UPF2: variants seen among roughly 807,000 people sequenced by gnomAD.
UPF2 encodes UPF2 regulator of nonsense mediated mRNA decay, also known as regulator of nonsense transcripts 2.
In UPF2, 17 loss-of-function variants were observed where a neutral mutation model predicts 141.4. That is an observed-to-expected ratio of 0.12 (90% CI 0.08 to 0.18). UPF2 has a LOEUF of 0.18. Ranked by LOEUF, UPF2 falls within the 10% of genes least tolerant of loss-of-function variation. UPF2 has a pLI of 1.00. For synonymous variants in UPF2, 540 were observed against 498.0 expected, an observed-to-expected ratio of 1.08 and a Z score of -1.12; for missense variants, 1,152 against 1,515.9, an observed-to-expected ratio of 0.76 and a Z score of 3.99.
At chr10:12,038,483 C>T (rs553041545) in intron 1 of UPF2, among the ~76,000 whole-genome samples, 29 of 150,774 alleles carry the variant, frequency 1.9e-4, no homozygotes, top group African/African-American at 7.1e-4. Context: ...AATCCCAGCA[C>T]TTTGGGAAGC....
At chr10:11,938,843 TTTTTTTTTTG>T (rs1253290717) in intron 18 of UPF2, among the ~76,000 whole-genome samples, 31 of 102,362 alleles carry the variant, frequency 3.0e-4, no homozygotes, top group African/African-American at 8.5e-4. Context: ...CTTAAGCAAG[TTTTTTTTTTG>T]TTTTTTTTTT....
chr10:11,984,205 G>A (rs1304106286), intron 8 of UPF2, among the ~76,000 whole-genome samples: 1 of 152,202 alleles, frequency 6.6e-6, no homozygotes, highest in Non-Finnish European at 1.5e-5. Context: ...ACAGGCGTGA[G>A]CCAGCGTGCC....
intron 8 of UPF2, among the ~76,000 whole-genome samples, chr10:11,986,824 A>G (rs1833699411): frequency 6.6e-6 from 1 of 152,208 alleles, no homozygotes; most frequent in South Asian, 2.1e-4. Context: ...TTTCACGGAA[A>G]CATTCTCTCA....
In UPF2 at chr10:11,976,909, T is replaced by C. The variant is rs530646371; in HGVS notation, c.1953+2148A>G. ...TTAAGAACAATCCTATTTTAAAAGA[T>C]GCAGTTATGAACCCCACCTGGTAGA... On this transcript the variant is annotated intron_variant, in intron 9 of 21. Transcript: ENST00000357604. Among the ~76,000 whole-genome samples, 4 of 152,334 alleles carry C rather than the reference T, an allele frequency of 2.6e-5. 1 individual carries two copies. The South Asian group carries it at 8.3e-4, about 32-fold the overall frequency.
At chr10:11,977,492 G>A (rs1255159553) in intron 9 of UPF2, among the ~76,000 whole-genome samples, 1 of 152,152 alleles carries the variant, frequency 6.6e-6, no homozygotes, top group African/African-American at 2.4e-5. Context: ...ATTTTCAAAT[G>A]AGAGAGTACA....
rs1833145401 is a variant in UPF2 at position 11,956,102 on chromosome 10, G to T, written c.2574+218C>A. 6.6e-6 allele frequency among the ~76,000 whole-genome samples: 1 copy of T among 150,866 alleles called. No homozygotes were observed. Among genetic ancestry groups the T allele is most frequent in the African/African-American group, 2.4e-5 (1 of 40,956 alleles). On this transcript the variant is annotated intron_variant, in intron 13 of 21. Transcript: ENST00000357604. This position sits in a 1 kb window ranked among gnomAD's most constrained non-coding sequence, Gnocchi z 4.2. Reference sequence around the variant, plus strand: ...GAAGAGGTTGCAGCGAGCGGAGATCGTGCCAGTGCACTCCAGCCTGGGTGA... The same window carrying T: ...GAAGAGGTTGCAGCGAGCGGAGATCTTGCCAGTGCACTCCAGCCTGGGTGA...
rs1002085248 is a variant in UPF2 at position 11,978,033 on chromosome 10, C to T, written c.1953+1024G>A. On this transcript the variant is annotated intron_variant, in intron 9 of 21. Coordinates refer to ENST00000357604, the MANE Select transcript of UPF2 (RefSeq NM_015542.4). Reference sequence around the variant, plus strand: ...TCTGCAAGAGACTCTCTCCTTCCTTCGCACTCAAAGCACCCACTCTCCAAT... The same window carrying T: ...TCTGCAAGAGACTCTCTCCTTCCTTTGCACTCAAAGCACCCACTCTCCAAT... Among the ~76,000 whole-genome samples the T allele has an allele frequency of 3.9e-5, 6 of 152,314 alleles. No individual in the cohort carries two copies. The East Asian group carries it at 9.6e-4, about 24-fold the overall frequency.
chr10:12,007,054 A>G (rs945509691), intron 4 of UPF2, among the ~76,000 whole-genome samples: 3 of 152,196 alleles, frequency 2.0e-5, no homozygotes, highest in African/African-American at 4.8e-5. Flanking sequence ...TGTTGTTCAT[A>G]AGTTGCCCGG....
intron 19 of UPF2, among the ~76,000 whole-genome samples, chr10:11,932,634 T>C (rs776253049): frequency 6.6e-6 from 1 of 152,196 alleles, no homozygotes. Flanking sequence ...CACCTTTGCC[T>C]ACTGCCTTTA....
At position 11,935,393 on chromosome 10, in the gene UPF2, C is replaced by T. The variant is rs752877642; in HGVS notation, c.3546+1152G>A. Among the ~76,000 whole-genome samples, 2 of 151,594 alleles carry T rather than the reference C, an allele frequency of 1.3e-5. No individual in the cohort carries two copies. The highest frequency in any genetic ancestry group is 2.9e-5 in the Non-Finnish European group (2 of 67,812). On this transcript the variant is annotated intron_variant, in intron 19 of 21. Coordinates refer to ENST00000357604, the MANE Select transcript of UPF2 (RefSeq NM_015542.4). This position sits in a 1 kb window ranked among gnomAD's most constrained non-coding sequence, Gnocchi z 4.9. ...AATACTTGTTAAATGACTGTGTAGA[C>T]GAATGTGGTATTGGACTTGTCTAAG...
chr10:11,952,357 G>A (rs1424096756), intron 14 of UPF2, 108 bp from the exon 15 acceptor site: 4 of 975,216 alleles, frequency 4.1e-6, no homozygotes, highest in Non-Finnish European at 5.8e-6. Flanking sequence ...TAAGCTGAAA[G>A]GTTATAAAAG....
In UPF2 at chr10:11,931,628, G is replaced by C. The variant is rs766923834; in HGVS notation, c.3688+13C>G. 60 of 1,579,058 alleles carry C rather than the reference G, an allele frequency of 3.8e-5. 1 individual carries two copies. In the South Asian group the frequency reaches 7.1e-4, roughly 19 times the overall value. ...AACAAAAATTTCCACTTCTCTTATA[G>C]ATGATTTTATACCTTGATAATCTTC... On this transcript the variant is annotated intron_variant, in intron 20 of 21. Coordinates refer to ENST00000357604, the MANE Select transcript of UPF2 (RefSeq NM_015542.4). This position sits in a 1 kb window ranked among gnomAD's most constrained non-coding sequence, Gnocchi z 5.9.
In UPF2 at chr10:11,936,750, G is replaced by GAT. The variant is rs1183665276; in HGVS notation, c.3379-40_3379-39dup. The GAT allele has an allele frequency of 1.3e-6, 2 of 1,527,660 alleles. No homozygotes were observed. Among genetic ancestry groups the GAT allele is most frequent in the African/African-American group, 2.8e-5 (2 of 71,924 alleles). The allele number at this position is 1,527,660 out of a possible 1,614,324, so 94.6% of individuals were successfully genotyped here. A position where few individuals can be genotyped will look rare whatever the true frequency, so the allele number is the denominator to read the frequency against. ...AAAAAGGACATAATAAACACTCCAA[G>GAT]ATATATACGGATATATGTCAATATA... On this transcript the variant is annotated intron_variant, in intron 18 of 21. Coordinates refer to ENST00000357604, the MANE Select transcript of UPF2 (RefSeq NM_015542.4). This position sits in a 1 kb window ranked among gnomAD's most constrained non-coding sequence, Gnocchi z 6.6.
rs372595383 is a variant in UPF2 at position 11,999,946 on chromosome 10, T to A, written c.1718A>T (p.Gln573Leu). The change falls in exon 7 of 22, where the codon CAG becomes CTG. Residue 573 changes from glutamine to leucine, a missense_variant. This residue lies in a region of UPF2 where 739 missense variants were observed against 1,032.2 expected (regional missense o/e 0.72). Transcript: ENST00000357604. ...HLKLIVDAFL[Q>L]QLPNCVNRDL... ...TCGGTTGACACAGTTGGGTAACTGC[T>A]GTAGGAAAGCATCTACTATGAGCTT... is the stretch of plus-strand genomic sequence containing the variant. The A allele has an allele frequency of 1.9e-5, 31 of 1,613,826 alleles. No homozygotes were observed. The highest frequency in any genetic ancestry group is 2.6e-5 in the Non-Finnish European group (31 of 1,179,976).
chr10:12,015,291 T>C (rs1203693856), intron 3 of UPF2, among the ~76,000 whole-genome samples: 2 of 152,226 alleles, frequency 1.3e-5, no homozygotes, highest in African/African-American at 4.8e-5. Flanking sequence ...TTCTAAAAGT[T>C]ACAGAGAAAA....
intron 9 of UPF2, among the ~76,000 whole-genome samples, chr10:11,977,676 A>G (rs933721177): frequency 6.6e-6 from 1 of 152,208 alleles, no homozygotes; most frequent in Admixed American, 6.5e-5. Flanking sequence ...GGGATTAAAC[A>G]TATCAACAAG....
At chr10:12,005,715 C>G (rs571129463) in intron 4 of UPF2, among the ~76,000 whole-genome samples, 36 of 151,542 alleles carry the variant, frequency 2.4e-4, no homozygotes, top group Non-Finnish European at 4.4e-4. Flanking sequence ...ATTACAGGCG[C>G]CCGCCACCAC....
intron 8 of UPF2, among the ~76,000 whole-genome samples, chr10:11,997,232 A>C (rs1431066362): frequency 6.6e-6 from 1 of 152,222 alleles, no homozygotes; most frequent in Non-Finnish European, 1.5e-5. Context: ...GCAGGCTATC[A>C]TACCTCTTAA....
At chr10:12,015,576 CCT>C (rs1184607391) in intron 3 of UPF2, among the ~76,000 whole-genome samples, 1 of 152,148 alleles carries the variant, frequency 6.6e-6, no homozygotes, top group Non-Finnish European at 1.5e-5. Context: ...GTGGCGGGCA[CCT>C]GTAATCCCAG....
Sources: allele counts gnomAD v4.1 joint callset (sites outside exome capture counted in the v4.1 genomes callset), GRCh38; gene constraint gnomAD v4.1.1; regional missense constraint gnomAD v4.1.1; non-coding constraint Gnocchi (gnomAD v3.1); transcripts MANE v1.5; gene names NCBI Gene and HGNC (gene_info 2026-07-23, HGNC 2026-07-21).